ADAM22: variants seen among roughly 807,000 people sequenced by gnomAD.
ADAM22 encodes the protein ADAM metallopeptidase domain 22.
In ADAM22, 65 loss-of-function variants were observed where a neutral mutation model predicts 144.6. The ratio of observed to expected loss-of-function variants is 0.45; its 90% CI spans 0.37 to 0.55. ADAM22 has a LOEUF of 0.55. Ranked by LOEUF, ADAM22 falls within the 20% of genes least tolerant of loss-of-function variation. The pLI is 0.00. For missense variants in ADAM22, 974 were observed against 1,184.9 expected, an observed-to-expected ratio of 0.82 and a Z score of 2.61; for synonymous variants, 391 against 412.6, an observed-to-expected ratio of 0.95 and a Z score of 0.63.
At chr7:88,131,154 T>G in intron 10 of ADAM22, 115 bp from the exon 11 acceptor site, 3 of 798,640 alleles carry the variant, frequency 3.8e-6, no homozygotes, top group Non-Finnish European at 5.8e-6. Flanking sequence ...GAAAGTTATC[T>G]CCCTTTAACT....
chr7:87,990,290 G>A (rs934649491), intron 3 of ADAM22, among the ~76,000 whole-genome samples: 31 of 152,168 alleles, frequency 2.0e-4, no homozygotes, highest in Admixed American at 3.3e-4. Context: ...AGAAGTATAC[G>A]ATCTGCTGGA....
At chr7:88,034,358 G>A (rs574292202) in intron 3 of ADAM22, among the ~76,000 whole-genome samples, 15 of 152,242 alleles carry the variant, frequency 9.9e-5, no homozygotes, top group East Asian at 7.7e-4. Context: ...TGGAATGAGG[G>A]CCTCACGACT....
chr7:88,061,219 GACTTCCTCC>G (rs933315256), intron 3 of ADAM22, among the ~76,000 whole-genome samples: 16 of 152,254 alleles, frequency 1.1e-4, no homozygotes, highest in African/African-American at 3.9e-4. Flanking sequence ...ACATCTGCAG[GACTTCCTCC>G]ACTGAAGTCT....
At chr7:87,954,321 C>T (rs1249601400) in intron 2 of ADAM22, among the ~76,000 whole-genome samples, 1 of 151,822 alleles carries the variant, frequency 6.6e-6, no homozygotes, top group Non-Finnish European at 1.5e-5. Context: ...TTTAGGAGCT[C>T]TTTTAGGGCA....
At chr7:88,035,221 T>G (rs1370374429) in intron 3 of ADAM22, among the ~76,000 whole-genome samples, 1 of 152,250 alleles carries the variant, frequency 6.6e-6, no homozygotes, top group Non-Finnish European at 1.5e-5. Flanking sequence ...TCAAGACTTG[T>G]TATACTCTAG....
At chr7:87,976,656 T>G (rs2129448448) in intron 2 of ADAM22, among the ~76,000 whole-genome samples, 1 of 152,252 alleles carries the variant, frequency 6.6e-6, no homozygotes, top group Middle Eastern at 3.4e-3. Flanking sequence ...GGAAACAGCT[T>G]TGGGGAAGTG....
chr7:87,973,810 C>G (rs1851146779), intron 2 of ADAM22, among the ~76,000 whole-genome samples: 1 of 151,968 alleles, frequency 6.6e-6, no homozygotes, highest in Non-Finnish European at 1.5e-5. Flanking sequence ...AAGCTGGAAA[C>G]CATCATTCTC....
At chr7:87,999,465 G>A (rs1792022102) in intron 3 of ADAM22, among the ~76,000 whole-genome samples, 1 of 152,110 alleles carries the variant, frequency 6.6e-6, no homozygotes, top group Non-Finnish European at 1.5e-5. Context: ...ATGTGGAACT[G>A]GAATTTGAAC....
At chr7:87,956,728 A>G (rs143235088) in intron 2 of ADAM22, among the ~76,000 whole-genome samples, 1 of 152,014 alleles carries the variant, frequency 6.6e-6, no homozygotes, top group Admixed American at 6.6e-5. Flanking sequence ...GGCTTTTTTC[A>G]CTTATCATAA....
At chr7:87,938,227 T>C (rs1841721150) in intron 2 of ADAM22, among the ~76,000 whole-genome samples, 2 of 142,428 alleles carry the variant, frequency 1.4e-5, no homozygotes. Flanking sequence ...TTTTTTTTTT[T>C]TTTTTTTGTG....
chr7:87,994,467 C>T (rs2129452493), intron 3 of ADAM22, among the ~76,000 whole-genome samples: 1 of 152,230 alleles, frequency 6.6e-6, no homozygotes, highest in South Asian at 2.1e-4. Flanking sequence ...GGCCTAGTTA[C>T]TGTCATTCTT....
chr7:88,155,297 G>A (rs148111090), intron 21 of ADAM22, among the ~76,000 whole-genome samples: 1 of 152,070 alleles, frequency 6.6e-6, no homozygotes, highest in East Asian at 1.9e-4. Context: ...GGTGAGGAGG[G>A]AGGTTGCTTG....
At chr7:88,124,388 T>C (rs1829971969) in intron 7 of ADAM22, among the ~76,000 whole-genome samples, 1 of 152,090 alleles carries the variant, frequency 6.6e-6, no homozygotes, top group East Asian at 1.9e-4. Context: ...CAGATACTTA[T>C]TGTCCTGAAG....
chr7:88,070,772 T>C (rs1812530557), intron 3 of ADAM22, among the ~76,000 whole-genome samples: 2 of 152,132 alleles, frequency 1.3e-5, no homozygotes, highest in Admixed American at 1.3e-4. Context: ...CTATTTGACA[T>C]CCTAGTAGAG....
chr7:87,980,598 A>G (rs1485433226), intron 3 of ADAM22, among the ~76,000 whole-genome samples: 1 of 152,104 alleles, frequency 6.6e-6, no homozygotes, highest in African/African-American at 2.4e-5. Flanking sequence ...AATGGATCCA[A>G]TAATACATAT....
At chr7:87,983,131 A>G (rs1854111036) in intron 3 of ADAM22, among the ~76,000 whole-genome samples, 1 of 152,072 alleles carries the variant, frequency 6.6e-6, no homozygotes, top group South Asian at 2.1e-4. Flanking sequence ...ATGTTCCATT[A>G]TTAGTTTTCT....
At chr7:88,142,959 GT>G (rs1767725453) in intron 14 of ADAM22, 66 bp from the exon 15 acceptor site, 8 of 994,770 alleles carry the variant, frequency 8.0e-6, no homozygotes, top group Non-Finnish European at 1.1e-5. Flanking sequence ...TAAGTCTTCA[GT>G]TTTCAGACAT....
At chr7:87,983,770 A>G (rs569848022) in intron 3 of ADAM22, among the ~76,000 whole-genome samples, 1 of 151,956 alleles carries the variant, frequency 6.6e-6, no homozygotes, top group Admixed American at 6.6e-5. Context: ...TTGATTATTG[A>G]TTTGTGAGAG....
intron 2 of ADAM22, among the ~76,000 whole-genome samples, chr7:87,961,220 T>C (rs1424067283): frequency 1.3e-5 from 2 of 152,060 alleles, no homozygotes; most frequent in East Asian, 3.9e-4. Context: ...AAGAGCATTA[T>C]ATATAGAGAG....
Sources: gnomAD v4.1 joint callset for allele counts (sites outside exome capture counted in the v4.1 genomes callset) on GRCh38, gnomAD v4.1.1 for gene constraint, MANE v1.5 for transcripts, NCBI Gene and HGNC (gene_info 2026-07-23, HGNC 2026-07-21) for gene names.